The following POLR2F variants were observed in gnomAD, a reference collection of about 807,000 sequenced individuals.
POLR2F encodes RNA polymerase II, I and III subunit F, also known as DNA-directed RNA polymerases I, II, and III subunit RPABC2.
In POLR2F, 12 loss-of-function variants were observed where a neutral mutation model predicts 22.7. The ratio of observed to expected loss-of-function variants is 0.53; its 90% CI spans 0.34 to 0.86. POLR2F has a LOEUF of 0.86. Among genes scored for constraint, POLR2F ranks in the 40% least tolerant of loss-of-function variants. The probability of loss-of-function intolerance (pLI) is 0.02; values close to 1 mark genes in which losing one functional copy is unlikely to be tolerated. For missense variants in POLR2F, 126 were observed against 171.5 expected, an observed-to-expected ratio of 0.73 and a Z score of 1.48; for synonymous variants, 57 against 66.0, an observed-to-expected ratio of 0.86 and a Z score of 0.66.
rs959685772 is a variant in POLR2F at position 38,017,601 on chromosome 22, A to G, written c.121-8268A>G. Among the ~76,000 whole-genome samples the G allele has an allele frequency of 5.3e-5, 8 of 152,104 alleles. No homozygotes were observed. Among genetic ancestry groups the G allele is most frequent in the Non-Finnish European group, 1.0e-4 (7 of 68,010 alleles). On this transcript the variant is annotated intron_variant, in intron 1 of 2. Coordinates refer to the POLR2F transcript ENST00000333418. This position sits in a 1 kb window ranked among gnomAD's most constrained non-coding sequence, Gnocchi z 4.1. Reference sequence around the variant, plus strand: ...GTCCAGGTTGTAGGGAAGAGCTCAGAGCACCTGAATGGGTCATGCAGTCCC... The same window carrying G: ...GTCCAGGTTGTAGGGAAGAGCTCAGGGCACCTGAATGGGTCATGCAGTCCC...
At chr22:37,991,370 C>A (rs551177293) in intron 1 of POLR2F, among the ~76,000 whole-genome samples, 7 of 152,272 alleles carry the variant, frequency 4.6e-5, no homozygotes, top group African/African-American at 1.7e-4. Flanking sequence ...TTGCCTGCCT[C>A]AGCCTCCCAA....
chr22:38,027,024 C>T (rs998146553), downstream of POLR2F, among the ~76,000 whole-genome samples: 5 of 152,076 alleles, frequency 3.3e-5, no homozygotes, highest in Admixed American at 6.5e-5. Flanking sequence ...CCATGTGGCC[C>T]GGGTGGCGAG....
downstream of POLR2F, among the ~76,000 whole-genome samples, chr22:38,026,991 G>A (rs1175961043): frequency 2.6e-5 from 4 of 152,144 alleles, no homozygotes; most frequent in Non-Finnish European, 5.9e-5. Context: ...GGGGAGGGGC[G>A]TGCATGGAGA....
intron 2 of POLR2F, 39 bp downstream of exon 2, chr22:37,956,881 A>G (rs1222115492): frequency 2.0e-6 from 3 of 1,507,046 alleles, no homozygotes; most frequent in Admixed American, 1.7e-5. Context: ...CTGCAGCCCA[A>G]GCTGCCAAAT....
At chr22:37,996,188 T>C (rs558686133) in intron 1 of POLR2F, among the ~76,000 whole-genome samples, 7 of 152,174 alleles carry the variant, frequency 4.6e-5, no homozygotes, top group African/African-American at 1.7e-4. Context: ...GAGGAGGGGA[T>C]GGGGGATCTG....
At chr22:38,021,892 G>A (rs1276934551) in intron 1 of POLR2F, among the ~76,000 whole-genome samples, 1 of 150,852 alleles carries the variant, frequency 6.6e-6, no homozygotes, top group Non-Finnish European at 1.5e-5. Context: ...AGTACTTTGG[G>A]GCCCAAGGCG....
Position 37,967,644 on chromosome 22 carries a change from A to G in POLR2F, c.313A>G (p.Ile105Val), listed in dbSNP as rs774038371. Residue 105 changes from isoleucine to valine, a missense_variant, in exon 5 of 5, where the codon ATC becomes GTC. Physicochemically the swap from Ile to Val is conservative, Grantham distance 29 (BLOSUM62 3). Coordinates refer to ENST00000442738, the MANE Select transcript of POLR2F (RefSeq NM_021974.5). ...CCACAGGGCCCGAAAGATCCCCATC[A>G]TCATTCGCCGTTACCTGCCAGATGG... Reference protein sequence around the residue: ...KELKARKIPIIIRRYLPDGSY... With the variant: ...KELKARKIPIVIRRYLPDGSY... The G allele has an allele frequency of 2.5e-6, 4 of 1,613,976 alleles. No individual in the cohort carries two copies. The highest frequency in any genetic ancestry group is 2.2e-5 in the East Asian group (1 of 44,860).
chr22:38,002,217 T>C (rs754106009), intron 1 of POLR2F, among the ~76,000 whole-genome samples: 43 of 151,888 alleles, frequency 2.8e-4, no homozygotes, highest in Non-Finnish European at 4.4e-4. Flanking sequence ...AGACTTTTTA[T>C]TGGGCCACAA....
rs1270851975 is a variant in POLR2F at position 37,995,068 on chromosome 22, G to A, written c.120+8756G>A. Among the ~76,000 whole-genome samples the A allele has an allele frequency of 2.6e-5, 4 of 152,188 alleles. No individual in the cohort carries two copies. The South Asian group carries it at 6.2e-4, about 24-fold the overall frequency. ...AGGTGCAATGGGAGGAGCTGCTTCCGACTCTGCCAAGGTCCCAGCTCCTGC... is the reference window on the plus strand; with the variant it reads ...AGGTGCAATGGGAGGAGCTGCTTCCAACTCTGCCAAGGTCCCAGCTCCTGC... On this transcript the variant is annotated intron_variant, in intron 1 of 2. Coordinates refer to the POLR2F transcript ENST00000333418.
intron 1 of POLR2F, among the ~76,000 whole-genome samples, chr22:38,006,488 C>T (rs1056347562): frequency 4.6e-5 from 7 of 152,158 alleles, no homozygotes; most frequent in Admixed American, 2.6e-4. Context: ...CCAGGCCAGG[C>T]GCCGAGGCAC....
rs112285508 is a variant in POLR2F at position 38,020,206 on chromosome 22, TACACAC to T, written c.121-5639_121-5634del. 2.1e-4 allele frequency among the ~76,000 whole-genome samples: 30 copies of T among 144,802 alleles called. No individual in the cohort carries two copies. The East Asian group carries it at 2.7e-3, about 13-fold the overall frequency. 95.0% of individuals were successfully genotyped at this position (144,802 alleles called of 152,430 possible). A position where few individuals can be genotyped will look rare whatever the true frequency, so the allele number is the denominator to read the frequency against. ...TCTGCTAAATACACACACACATATA[TACACAC>T]ACACACACACACACACACACACATA... On this transcript the variant is annotated intron_variant, in intron 1 of 2. Transcript: ENST00000333418.
At chr22:37,983,328 C>G (rs1160772551), upstream of POLR2F, 5 of 1,587,782 alleles carry the variant, frequency 3.1e-6, no homozygotes, top group Non-Finnish European at 4.3e-6. This position sits in a 1 kb window ranked among gnomAD's most constrained non-coding sequence, Gnocchi z 9.5. Flanking sequence ...GCTAGAGGGC[C>G]CGAGCCCGGG....
chr22:37,954,570 G>A lies in POLR2F; in HGVS notation c.20+763G>A, dbSNP rs564587376. 3.9e-5 allele frequency among the ~76,000 whole-genome samples: 6 copies of A among 152,286 alleles called. No homozygotes were observed. The East Asian group carries it at 1.2e-3, about 29-fold the overall frequency. On this transcript the variant is annotated intron_variant, in intron 1 of 4. Transcript: ENST00000442738. The stretch of plus-strand genomic sequence containing the variant: ...CCCGCCTCGGCCTCCCAAAGTGCTG[G>A]GATCACAGGCGTGAGCCACCGTGCC...
intron 1 of POLR2F, among the ~76,000 whole-genome samples, chr22:38,006,520 C>T (rs530509528): frequency 1.1e-4 from 17 of 152,344 alleles, no homozygotes; most frequent in East Asian, 3.9e-4. Context: ...ACAGAGGAGA[C>T]GAGGCAGGTT....
At chr22:38,012,275 T>A (rs1227177675) in intron 1 of POLR2F, among the ~76,000 whole-genome samples, 1 of 151,946 alleles carries the variant, frequency 6.6e-6, no homozygotes, top group Non-Finnish European at 1.5e-5. Context: ...AGAGAGAGGG[T>A]TTTGCCATAT....
At chr22:37,995,192 G>T (rs1601896079) in intron 1 of POLR2F, among the ~76,000 whole-genome samples, 2 of 152,198 alleles carry the variant, frequency 1.3e-5, no homozygotes, top group African/African-American at 4.8e-5. Context: ...GCTGTCAGGG[G>T]CTTTAGGGCT....
chr22:38,025,723 A>T (rs1174878381), intron 1 of POLR2F: 1 of 1,528,966 alleles, frequency 6.5e-7, no homozygotes, highest in Non-Finnish European at 8.8e-7. Context: ...AGATGCATAA[A>T]CTGAGCCCAG....
At chr22:37,963,438 T>C (rs1931729431) in intron 3 of POLR2F, among the ~76,000 whole-genome samples, 1 of 152,192 alleles carries the variant, frequency 6.6e-6, no homozygotes, top group Non-Finnish European at 1.5e-5. Flanking sequence ...TACAGGCTAA[T>C]GCCACCACAC....
chr22:37,972,368 T>C (rs968330387), downstream of POLR2F: 40 of 544,090 alleles, frequency 7.4e-5, no homozygotes, highest in Non-Finnish European at 1.1e-4. Context: ...TAATAGGGGC[T>C]AGAGTGGCTA....
Sources: gnomAD v4.1 joint callset for allele counts (sites outside exome capture counted in the v4.1 genomes callset) on GRCh38, gnomAD v4.1.1 for gene constraint, Gnocchi (gnomAD v3.1) non-coding constraint, MANE v1.5 for transcripts, NCBI Gene and HGNC (gene_info 2026-07-23, HGNC 2026-07-21) for gene names.